TPTE: variants seen among roughly 807,000 people sequenced by gnomAD.
TPTE encodes transmembrane phosphatase with tensin homology, also known as putative tyrosine-protein phosphatase TPTE.
TPTE carries 59 observed loss-of-function variants against 84.1 expected under a neutral mutation model. That is an observed-to-expected ratio of 0.70 (90% confidence interval 0.57 to 0.87). The LOEUF (loss-of-function observed/expected upper bound fraction) is 0.87. TPTE is among the 40% of genes least tolerant of loss of function. TPTE has a pLI of 0.00. For missense variants in TPTE, 382 were observed against 659.6 expected, an observed-to-expected ratio of 0.58 and a Z score of 4.61; for synonymous variants, 130 against 223.5, an observed-to-expected ratio of 0.58 and a Z score of 3.73.
intron 10 of TPTE, among the ~76,000 whole-genome samples, chr21:10,566,311 A>G (rs210525): frequency 0.19 from 28,014 of 144,618 alleles, 50 homozygotes; most frequent in African/African-American, 0.44. Context: ...ATGAGATATC[A>G]TCTCACCCCA....
chr21:10,575,594 C>T (rs1381784488), intron 14 of TPTE, among the ~76,000 whole-genome samples: 288 of 151,916 alleles, frequency 1.9e-3, no homozygotes, highest in African/African-American at 6.8e-3. Flanking sequence ...CTCCAGCCAC[C>T]TCTTGCAGGT....
chr21:10,574,652 GC>G (rs1157811028), intron 14 of TPTE, among the ~76,000 whole-genome samples: 1 of 152,312 alleles, frequency 6.6e-6, no homozygotes, highest in Non-Finnish European at 1.5e-5. Flanking sequence ...ATGAAGATAA[GC>G]AGGCAGAGGG....
chr21:10,584,386 G>T lies in TPTE; in HGVS notation c.1027+5781G>T, dbSNP rs1247977722. ...CAGTCTCATTCTGTCACCCAGGCTGGAATGCAGTGGCATGATCATGGCTCA... is the reference window on the plus strand; with the variant it reads ...CAGTCTCATTCTGTCACCCAGGCTGTAATGCAGTGGCATGATCATGGCTCA... On this transcript the variant is annotated intron_variant, in intron 17 of 23. Coordinates refer to ENST00000618007, the MANE Select transcript of TPTE (RefSeq NM_199261.4). Among the ~76,000 whole-genome samples, 4 of 151,774 alleles carry T rather than the reference G, an allele frequency of 2.6e-5. No individual in the cohort carries two copies. The East Asian group carries it at 7.7e-4, about 29-fold the overall frequency.
intron 4 of TPTE, among the ~76,000 whole-genome samples, chr21:10,539,382 A>G (rs1478649500): frequency 2.0e-5 from 3 of 152,304 alleles, no homozygotes; most frequent in Non-Finnish European, 4.4e-5. Context: ...GCCCACAGCT[A>G]CTTGCCTGTG....
At chr21:10,521,884 G>A (rs1362162034) in intron 1 of TPTE, among the ~76,000 whole-genome samples, 190 bp downstream of exon 1, 1 of 152,280 alleles carries the variant, frequency 6.6e-6, no homozygotes, top group Non-Finnish European at 1.5e-5. Flanking sequence ...CGCACAAAAG[G>A]CCGAGAAAAA....
intron 1 of TPTE, among the ~76,000 whole-genome samples, chr21:10,524,088 G>C (rs1301355041): frequency 6.6e-6 from 1 of 152,312 alleles, no homozygotes; most frequent in Non-Finnish European, 1.5e-5. Flanking sequence ...ATTCTGTTTG[G>C]GGTTGCCGTG....
intron 17 of TPTE, among the ~76,000 whole-genome samples, chr21:10,579,690 G>A (rs528380165): frequency 1.4e-4 from 21 of 152,364 alleles, no homozygotes; most frequent in East Asian, 3.9e-4. Flanking sequence ...CTCCAGGTTC[G>A]TCCATATTAT....
At chr21:10,564,111 G>A (rs1229394990) in intron 10 of TPTE, among the ~76,000 whole-genome samples, 4 of 152,058 alleles carry the variant, frequency 2.6e-5, no homozygotes, top group African/African-American at 9.7e-5. Flanking sequence ...CCGAGATGGT[G>A]CCACTGCACT....
At chr21:10,589,371 C>T (rs1413498043) in intron 17 of TPTE, among the ~76,000 whole-genome samples, 6 of 152,290 alleles carry the variant, frequency 3.9e-5, no homozygotes, top group African/African-American at 1.4e-4. Context: ...GTTGCCAGTG[C>T]TGCTGGCTGT....
chr21:10,559,853 G>A (rs1447054835), intron 9 of TPTE, among the ~76,000 whole-genome samples: 19 of 138,642 alleles, frequency 1.4e-4, no homozygotes, highest in Admixed American at 9.2e-4. Flanking sequence ...CAGCCTTGGC[G>A]ACACAGCAAG....
intron 21 of TPTE, among the ~76,000 whole-genome samples, chr21:10,598,787 A>T (rs2145796830): frequency 6.6e-6 from 1 of 152,428 alleles, no homozygotes; most frequent in African/African-American, 2.4e-5. Context: ...TAATAACCAT[A>T]AACTTTTAGA....
chr21:10,542,566 T>C, intron 6 of TPTE, 118 bp downstream of exon 6: 1 of 1,112,806 alleles, frequency 9.0e-7, no homozygotes, highest in Non-Finnish European at 1.3e-6. Flanking sequence ...CATCCATTCA[T>C]CCATCCATCC....
chr21:10,575,440 G>T lies in TPTE; in HGVS notation c.796-2020G>T, dbSNP rs200346228. Among the ~76,000 whole-genome samples the T allele has an allele frequency of 1.8e-3, 270 of 151,800 alleles. No individual in the cohort carries two copies. In the East Asian group the frequency reaches 0.022, roughly 12 times the overall value. ...TCAACTCAGCCATTCCAACCTGCTG[G>T]CTTTGGAGAATACAGGTGGTCTGGA... On this transcript the variant is annotated intron_variant, in intron 14 of 23. Coordinates refer to ENST00000618007, the MANE Select transcript of TPTE (RefSeq NM_199261.4).
chr21:10,568,799 C>A (rs1394453253), intron 11 of TPTE, among the ~76,000 whole-genome samples: 1 of 152,306 alleles, frequency 6.6e-6, no homozygotes, highest in African/African-American at 2.4e-5. Context: ...GCTTAACAAG[C>A]TTTTCCAGGT....
intron 20 of TPTE, among the ~76,000 whole-genome samples, chr21:10,597,085 G>A (rs2075602279): frequency 6.6e-6 from 1 of 152,312 alleles, no homozygotes; most frequent in African/African-American, 2.4e-5. Context: ...ATGTAGAGTT[G>A]AGAGGAAAGC....
At chr21:10,524,073 C>G (rs1313548686) in intron 1 of TPTE, among the ~76,000 whole-genome samples, 1 of 152,306 alleles carries the variant, frequency 6.6e-6, no homozygotes, top group Non-Finnish European at 1.5e-5. Context: ...CACAAGAGCG[C>G]TAGGATTCTG....
Position 10,561,189 on chromosome 21 carries a change from A to C in TPTE, c.444A>C (p.Glu148Asp). 2 of 1,611,328 alleles carry C rather than the reference A, an allele frequency of 1.2e-6. No homozygotes were observed. Among genetic ancestry groups the C allele is most frequent in the Non-Finnish European group, 1.7e-6 (2 of 1,179,706 alleles). ...ATGTTCTTCTTCGAGTATTTGTAGA[A>C]AGGTAAGTTTGATTATTTTTATAAT... ...LMDVLLRVFV[E>D]RRQQYFSDLF... Residue 148 changes from glutamate (E) to aspartate (D), a missense_variant and splice_region_variant, in exon 10 of 24, where the codon GAA (glutamate) becomes GAC (aspartate). Glu to Asp is a conservative substitution (Grantham distance 45). This residue lies in a region of TPTE where 85 missense variants were observed against 230.9 expected (regional missense o/e 0.37). Transcript: ENST00000618007.
intron 4 of TPTE, chr21:10,540,654 C>G (rs1375534423): frequency 5.8e-6 from 3 of 519,006 alleles, no homozygotes; most frequent in Non-Finnish European, 1.2e-5. Flanking sequence ...TTTGCCCATA[C>G]CCACTCTCAC....
chr21:10,589,503 T>A (rs544025776), intron 17 of TPTE, among the ~76,000 whole-genome samples: 4 of 151,228 alleles, frequency 2.6e-5, no homozygotes, highest in African/African-American at 9.9e-5. Context: ...GGGCACAAGA[T>A]GGGTGCAGCC....
Sources: allele counts gnomAD v4.1 joint callset (sites outside exome capture counted in the v4.1 genomes callset), GRCh38; gene constraint gnomAD v4.1.1; regional missense constraint gnomAD v4.1.1; transcripts MANE v1.5; gene names NCBI Gene and HGNC (gene_info 2026-07-23, HGNC 2026-07-21).